OR7E24: variants seen among roughly 807,000 people sequenced by gnomAD.
OR7E24 encodes the protein olfactory receptor 7E24.
For synonymous variants in OR7E24, 130 were observed against 157.5 expected (o/e 0.83, Z 1.31); for missense variants, 385 against 410.3 (o/e 0.94, Z 0.53).
the OR7E24 span, among the ~76,000 whole-genome samples, chr19:9,220,911 A>G: frequency 6.6e-5 from 10 of 152,280 alleles, no homozygotes; most frequent in Admixed American, 2.6e-4. Flanking sequence ...ATTTGAGATG[A>G]AGTGAGGTGA....
At chr19:9,210,792 T>A in the OR7E24 span, 43 of 152,198 alleles carry the variant, frequency 2.8e-4, no homozygotes, top group African/African-American at 1.0e-3. Context: ...AATCAGAAGC[T>A]GCTGGGAACA....
upstream of OR7E24, among the ~76,000 whole-genome samples, chr19:9,248,393 C>A (rs2066136326): frequency 6.6e-6 from 1 of 152,046 alleles, no homozygotes; most frequent in Admixed American, 6.6e-5. Context: ...TAGCTCGTAC[C>A]AGATCATGAG....
upstream of OR7E24, among the ~76,000 whole-genome samples, chr19:9,250,243 C>T (rs867381359): frequency 2.0e-5 from 3 of 152,078 alleles, no homozygotes; most frequent in African/African-American, 4.8e-5. Flanking sequence ...TACAGGGCGG[C>T]GCCACCATGC....
upstream of OR7E24, among the ~76,000 whole-genome samples, chr19:9,242,549 C>T (rs925346345): frequency 6.6e-6 from 1 of 152,110 alleles, no homozygotes; most frequent in Non-Finnish European, 1.5e-5. Context: ...CACAGTTGGC[C>T]CTGAAAACAT....
rs200505074 is a variant in OR7E24, at chr19:9,251,632, T to C, written c.589T>C (p.Cys197Arg). Residue 197 changes from cysteine to arginine, a missense_variant, in exon 1 of 1, where the codon TGT becomes CGT. Transcript: ENST00000456448. ...GGATGTGGACATTTCTAATTTCTTC[T>C]GTGACCCTTCTCAACTCCTCCACCT... ...FKDVDISNFF[C>R]DPSQLLHLRC... 1.9e-4 allele frequency: 299 copies of C among 1,613,338 alleles called. No homozygotes were observed. The highest frequency in any genetic ancestry group is 2.3e-5 in the Non-Finnish European group (27 of 1,179,760).
the OR7E24 span, among the ~76,000 whole-genome samples, chr19:9,239,740 G>A: frequency 3.7e-4 from 44 of 119,972 alleles, no homozygotes; most frequent in East Asian, 1.4e-3. Flanking sequence ...TTGGAGTCTC[G>A]CTCTGTTGCC....
At chr19:9,221,268 C>G in the OR7E24 span, among the ~76,000 whole-genome samples, 4 of 138,444 alleles carry the variant, frequency 2.9e-5, no homozygotes, top group Non-Finnish European at 6.1e-5. Context: ...CGAGACTCGT[C>G]TCAAGAAAAA....
the OR7E24 span, among the ~76,000 whole-genome samples, chr19:9,226,328 C>T: frequency 6.6e-6 from 1 of 152,208 alleles, no homozygotes; most frequent in Non-Finnish European, 1.5e-5. Context: ...ACAAAGGAGA[C>T]AAGGTCATTT....
chr19:9,209,739 C>T, the OR7E24 span: 1 of 151,420 alleles, frequency 6.6e-6, no homozygotes, highest in African/African-American at 2.4e-5. Flanking sequence ...ACTGCAACCT[C>T]TGCCTCCCGG....
At chr19:9,208,467 C>G in the OR7E24 span, 2 of 152,186 alleles carry the variant, frequency 1.3e-5, no homozygotes, top group African/African-American at 4.8e-5. Flanking sequence ...TGAAGAGAGT[C>G]CAACTGAAGT....
At chr19:9,236,120 C>A in the OR7E24 span, 1 of 1,067,792 alleles carries the variant, frequency 9.4e-7, no homozygotes, top group South Asian at 1.3e-5. Flanking sequence ...TGCTATGGGT[C>A]CCTTAAGCAA....
chr19:9,215,906 G>A, the OR7E24 span, among the ~76,000 whole-genome samples: 1 of 152,024 alleles, frequency 6.6e-6, no homozygotes, highest in African/African-American at 2.4e-5. Context: ...CTGAGACTGG[G>A]CAATTTACAA....
the OR7E24 span, among the ~76,000 whole-genome samples, chr19:9,221,653 CTT>C: frequency 8.2e-3 from 1,252 of 152,104 alleles, 11 homozygotes; most frequent in African/African-American, 0.028. Flanking sequence ...GCCAGGCTGT[CTT>C]TTGCCCATTT....
chr19:9,232,185 G>T, the OR7E24 span, among the ~76,000 whole-genome samples: 1 of 152,074 alleles, frequency 6.6e-6, no homozygotes, highest in Non-Finnish European at 1.5e-5. Context: ...GCTACCTGGG[G>T]GCCAGGCGTG....
At chr19:9,234,712 C>G in the OR7E24 span, among the ~76,000 whole-genome samples, 1 of 152,240 alleles carries the variant, frequency 6.6e-6, no homozygotes, top group East Asian at 1.9e-4. Flanking sequence ...CATGAGGTAT[C>G]CATGAAAACT....
At position 9,251,423 on chromosome 19, in the gene OR7E24, G is replaced by C; in HGVS notation, c.380G>C (p.Cys127Ser). The part of the protein sequence containing the change: ...TQMSFFVLFA[C>S]MDDMLLSVMA... ...ATGTCTTTTTTTGTCCTTTTTGCAT[G>C]TATGGATGACATGCTCCTGAGTGTG... Residue 127 changes from cysteine to serine, a missense_variant, in exon 1 of 1, where the codon TGT becomes TCT. Transcript: ENST00000456448. 1 of 1,614,140 alleles carries C rather than the reference G, an allele frequency of 6.2e-7. No individual in the cohort carries two copies. The highest frequency in any genetic ancestry group is 8.5e-7 in the Non-Finnish European group (1 of 1,180,032).
chr19:9,217,242 T>A, the OR7E24 span, among the ~76,000 whole-genome samples: 1 of 152,232 alleles, frequency 6.6e-6, no homozygotes, highest in Non-Finnish European at 1.5e-5. Context: ...AATGTTGGAC[T>A]AATATCAGGG....
chr19:9,236,172 A>G, the OR7E24 span: 2 of 703,120 alleles, frequency 2.8e-6, no homozygotes, highest in South Asian at 1.8e-5. Flanking sequence ...CCCCTAAAAT[A>G]TATGTTGCAG....
At chr19:9,242,512 A>C (rs1163303416), upstream of OR7E24, among the ~76,000 whole-genome samples, 2 of 152,186 alleles carry the variant, frequency 1.3e-5, no homozygotes, top group Non-Finnish European at 2.9e-5. Flanking sequence ...GGCCTCCCAA[A>C]GTGCTGGGAT....
Sources: allele counts gnomAD v4.1 joint callset (sites outside exome capture counted in the v4.1 genomes callset), GRCh38; gene constraint gnomAD v4.1.1; transcripts MANE v1.5; gene names NCBI Gene and HGNC (gene_info 2026-07-23, HGNC 2026-07-21).